Variants in ENTHD1 observed in about 807,000 individuals in gnomAD.
ENTHD1 encodes the protein ENTH domain containing 1.
Under a neutral mutation model 39.1 loss-of-function variants are expected in ENTHD1, and 23 were observed. That is an observed-to-expected ratio of 0.59 (90% CI 0.42 to 0.83). The LOEUF (loss-of-function observed/expected upper bound fraction) is 0.83. ENTHD1 is among the 40% of genes least tolerant of loss of function. The pLI is 0.00. For missense variants in ENTHD1, 624 were observed against 705.4 expected (o/e 0.88, Z 1.31); for synonymous variants, 230 against 258.2 (o/e 0.89, Z 1.05).
intron 5 of ENTHD1, among the ~76,000 whole-genome samples, chr22:39,810,034 T>A (rs565527493): frequency 6.6e-6 from 1 of 152,180 alleles, no homozygotes; most frequent in Non-Finnish European, 1.5e-5. Context: ...ACTGTCATTA[T>A]AGGGGATTCA....
intron 4 of ENTHD1, among the ~76,000 whole-genome samples, chr22:39,835,089 A>C (rs181646820): frequency 2.6e-5 from 4 of 152,276 alleles, no homozygotes; most frequent in East Asian, 3.9e-4. Flanking sequence ...CACACACACA[A>C]AAACACAAAT....
intron 1 of ENTHD1, among the ~76,000 whole-genome samples, chr22:39,888,262 T>TTC (rs1333511093): frequency 3.0e-4 from 16 of 54,164 alleles, no homozygotes; most frequent in South Asian, 1.3e-3. Flanking sequence ...CTTTCTTTCT[T>TTC]TTTTTTTTTT....
At chr22:39,863,517 G>A (rs1184820596) in intron 2 of ENTHD1, among the ~76,000 whole-genome samples, 1 of 152,146 alleles carries the variant, frequency 6.6e-6, no homozygotes, top group Non-Finnish European at 1.5e-5. Flanking sequence ...CTGTATGGTT[G>A]AATTCCCAGA....
At chr22:39,766,482 G>A (rs2065278384) in intron 5 of ENTHD1, among the ~76,000 whole-genome samples, 1 of 152,146 alleles carries the variant, frequency 6.6e-6, no homozygotes, top group East Asian at 1.9e-4. Flanking sequence ...CTCTGTAACA[G>A]CTCCATCTGA....
intron 2 of ENTHD1, among the ~76,000 whole-genome samples, chr22:39,880,754 A>G (rs1006715398): frequency 2.0e-5 from 3 of 152,222 alleles, no homozygotes; most frequent in Admixed American, 1.3e-4. Flanking sequence ...CCATCCTGCT[A>G]TATGTAACTG....
intron 5 of ENTHD1, among the ~76,000 whole-genome samples, chr22:39,814,607 T>G (rs1199858880): frequency 6.6e-6 from 1 of 152,226 alleles, no homozygotes. Context: ...AACAGTTCCA[T>G]GCATATGTGT....
intron 3 of ENTHD1, among the ~76,000 whole-genome samples, chr22:39,849,473 G>A (rs1221360577): frequency 6.6e-6 from 1 of 152,114 alleles, no homozygotes; most frequent in Non-Finnish European, 1.5e-5. Context: ...CCAAGGCTGA[G>A]AAACCCTCCA....
In ENTHD1 at chr22:39,849,088, G is replaced by A. The variant is rs557254425; in HGVS notation, c.592+12677C>T. 4.6e-5 allele frequency among the ~76,000 whole-genome samples: 7 copies of A among 152,238 alleles called. No individual in the cohort carries two copies. The South Asian group carries it at 1.5e-3, about 32-fold the overall frequency. On this transcript the variant is annotated intron_variant, in intron 3 of 6. Transcript: ENST00000325157. Reference sequence around the variant, plus strand: ...GCACCTATCCTGCATCCATACCACAGTGTCATGATCAGTAAAATTTTAGTC... The same window carrying A: ...GCACCTATCCTGCATCCATACCACAATGTCATGATCAGTAAAATTTTAGTC...
chr22:39,743,829 C>G lies in ENTHD1; in HGVS notation c.1674G>C (p.Ala558=). The G allele has an allele frequency of 1.2e-6, 2 of 1,614,084 alleles. No individual in the cohort carries two copies. Among genetic ancestry groups the G allele is most frequent in the Non-Finnish European group, 1.7e-6 (2 of 1,180,004 alleles). The change falls in exon 7 of 7, where the codon GCG becomes GCC. Residue 558 remains alanine, a synonymous_variant. Transcript: ENST00000325157. ...TCAGATCTTCATGTAATCTAGCGAT[C>G]GCACGTTTTACCTCCCTTAAAAGAA... ...ISVLLREVKR[A]IARLHEDLST... is the part of the protein sequence containing the mutation.
At chr22:39,853,845 G>T (rs536742462) in intron 3 of ENTHD1, among the ~76,000 whole-genome samples, 7 of 152,324 alleles carry the variant, frequency 4.6e-5, no homozygotes, top group African/African-American at 1.7e-4. Context: ...AAAGTGCTGG[G>T]ATTGCAGGCA....
chr22:39,873,654 T>C (rs1301780018), intron 2 of ENTHD1, among the ~76,000 whole-genome samples: 4 of 152,188 alleles, frequency 2.6e-5, no homozygotes, highest in South Asian at 2.1e-4. Context: ...CATAAGATGC[T>C]TTAAGGAGAT....
At chr22:39,822,522 G>A (rs964546465) in intron 4 of ENTHD1, among the ~76,000 whole-genome samples, 1 of 152,092 alleles carries the variant, frequency 6.6e-6, no homozygotes, top group Non-Finnish European at 1.5e-5. Context: ...ATTCATCCAT[G>A]TTTTACTGTG....
At chr22:39,801,618 G>C (rs1180169759) in intron 5 of ENTHD1, among the ~76,000 whole-genome samples, 3 of 152,178 alleles carry the variant, frequency 2.0e-5, no homozygotes, top group African/African-American at 7.2e-5. Context: ...CTGTTGTATG[G>C]GAGGTAGTAA....
At chr22:39,877,546 G>A (rs1360187044) in intron 2 of ENTHD1, among the ~76,000 whole-genome samples, 1 of 152,198 alleles carries the variant, frequency 6.6e-6, no homozygotes, top group African/African-American at 2.4e-5. Context: ...CAAGTGCTGA[G>A]GTCGGGAAGC....
chr22:39,813,578 T>C (rs532979319), intron 5 of ENTHD1, among the ~76,000 whole-genome samples: 1 of 152,338 alleles, frequency 6.6e-6, no homozygotes, highest in South Asian at 2.1e-4. Context: ...ATAAAACTGT[T>C]AAGGAACGGA....
At chr22:39,793,354 T>C in intron 5 of ENTHD1, among the ~76,000 whole-genome samples, 1 of 151,750 alleles carries the variant, frequency 6.6e-6, no homozygotes, top group Non-Finnish European at 1.5e-5. Flanking sequence ...TTTTTTTTTT[T>C]TGCTGTTGTT....
At chr22:39,865,164 A>G (rs2066173065) in intron 2 of ENTHD1, among the ~76,000 whole-genome samples, 1 of 152,112 alleles carries the variant, frequency 6.6e-6, no homozygotes, top group African/African-American at 2.4e-5. Flanking sequence ...GACAGCTGCA[A>G]TAGTTCTAAG....
chr22:39,838,977 G>T (rs902744793), intron 3 of ENTHD1, among the ~76,000 whole-genome samples: 2 of 151,598 alleles, frequency 1.3e-5, no homozygotes, highest in Non-Finnish European at 2.9e-5. Context: ...CAATCACAAT[G>T]GTATTTAGAT....
At chr22:39,765,823 C>A (rs917970453) in intron 5 of ENTHD1, among the ~76,000 whole-genome samples, 1 of 151,898 alleles carries the variant, frequency 6.6e-6, no homozygotes, top group Non-Finnish European at 1.5e-5. Context: ...TAGCTGCCTT[C>A]TCCCTCTCTC....
Sources: allele counts gnomAD v4.1 joint callset (sites outside exome capture counted in the v4.1 genomes callset), GRCh38; gene constraint gnomAD v4.1.1; transcripts MANE v1.5; gene names NCBI Gene and HGNC (gene_info 2026-07-23, HGNC 2026-07-21).